YTHDC2: variants seen among roughly 807,000 people sequenced by gnomAD.
The protein encoded by YTHDC2 is 3'-5' RNA helicase YTHDC2.
Under a neutral mutation model 174.9 loss-of-function variants are expected in YTHDC2, and 45 were observed. The observed-to-expected ratio is 0.26, with a 90% confidence interval of 0.20 to 0.33. The LOEUF (loss-of-function observed/expected upper bound fraction) is 0.33. Ranked by LOEUF, YTHDC2 falls within the 10% of genes least tolerant of loss-of-function variation. The pLI, the probability that YTHDC2 is intolerant of heterozygous loss-of-function variation, is 1.00. For missense variants in YTHDC2, 1,650 were observed against 1,723.7 expected (o/e 0.96, Z 0.76); for synonymous variants, 657 against 574.5 (o/e 1.14, Z -2.05).
rs1776425803 is a variant in YTHDC2, at chr5:113,553,798, C to G, written c.1996C>G (p.Gln666Glu). The G allele has an allele frequency of 6.2e-7, 1 of 1,612,544 alleles. No individual in the cohort carries two copies. Among genetic ancestry groups the G allele is most frequent in the Non-Finnish European group, 8.5e-7 (1 of 1,179,372 alleles). ...YQVFMLHSNM[Q>E]TSDQKKVLKN... ...AGTCTTTATGCTTCATTCAAATATG[C>G]AAACATCCGATCAAAAGAAAGTATT... is the stretch of plus-strand genomic sequence containing the variant. Residue 666 changes from glutamine (Q) to glutamate (E), a missense_variant, in exon 15 of 30, where the codon CAA becomes GAA. Gln to Glu is a conservative substitution (Grantham distance 29). Coordinates refer to ENST00000161863, the MANE Select transcript of YTHDC2 (RefSeq NM_022828.5).
intron 2 of YTHDC2, among the ~76,000 whole-genome samples, chr5:113,521,683 A>G (rs920397135): frequency 3.3e-5 from 5 of 151,482 alleles, no homozygotes; most frequent in African/African-American, 9.7e-5. Context: ...GTGAGCCGAG[A>G]TCGTGCCACT....
At chr5:113,556,837 CTG>C (rs1188269316) in intron 17 of YTHDC2, among the ~76,000 whole-genome samples, 10 of 152,166 alleles carry the variant, frequency 6.6e-5, no homozygotes, top group African/African-American at 1.9e-4. Flanking sequence ...ATGTTTAAGA[CTG>C]TTCTTTGAAG....
chr5:113,530,755 A>G (rs1306204399), intron 4 of YTHDC2, among the ~76,000 whole-genome samples: 2 of 151,840 alleles, frequency 1.3e-5, no homozygotes, highest in African/African-American at 2.4e-5. Flanking sequence ...TTTTACCTCC[A>G]TTTATTCCTT....
chr5:113,518,124 G>C (rs371450178), intron 2 of YTHDC2, among the ~76,000 whole-genome samples: 2 of 150,924 alleles, frequency 1.3e-5, no homozygotes, highest in South Asian at 2.1e-4. Flanking sequence ...TCCTGACCTC[G>C]TGATCTGCCC....
intron 19 of YTHDC2, 76 bp from the exon 20 acceptor site, chr5:113,563,783 T>G: frequency 2.7e-6 from 4 of 1,495,084 alleles, no homozygotes; most frequent in Non-Finnish European, 2.7e-6. Context: ...TTATTTCTCA[T>G]TTAGGGGTTT....
At chr5:113,588,873 C>T (rs1323718508) in intron 26 of YTHDC2, among the ~76,000 whole-genome samples, 2 of 152,026 alleles carry the variant, frequency 1.3e-5, no homozygotes, top group Admixed American at 6.6e-5. Context: ...GATCTGCTCA[C>T]CTCTGCCTCC....
chr5:113,557,331 T>C (rs1776678868), intron 17 of YTHDC2, among the ~76,000 whole-genome samples: 1 of 152,236 alleles, frequency 6.6e-6, no homozygotes, highest in South Asian at 2.1e-4. Flanking sequence ...CATGAAATGC[T>C]GACTTTCAAA....
chr5:113,572,724 C>A (rs1360996426), intron 23 of YTHDC2, among the ~76,000 whole-genome samples: 3 of 151,958 alleles, frequency 2.0e-5, no homozygotes, highest in Non-Finnish European at 4.4e-5. Flanking sequence ...TGTGTAATGC[C>A]TTTCTTTGAT....
intron 16 of YTHDC2, among the ~76,000 whole-genome samples, chr5:113,554,705 T>G (rs993342986): frequency 7.3e-5 from 11 of 151,722 alleles, no homozygotes; most frequent in Admixed American, 6.6e-4. Context: ...ATATTTACTA[T>G]TTGAAAGTCC....
intron 23 of YTHDC2, among the ~76,000 whole-genome samples, chr5:113,577,710 A>G (rs1189537327): frequency 6.6e-6 from 1 of 152,184 alleles, no homozygotes; most frequent in Non-Finnish European, 1.5e-5. Context: ...CAGGAAATTT[A>G]GTATCTTTTA....
chr5:113,585,347 TA>T lies in YTHDC2; in HGVS notation c.3825+869del, dbSNP rs1778623757. On this transcript the variant is annotated intron_variant, in intron 26 of 29. Transcript: ENST00000161863. ...CTGTTTTAGTAGCTAAGTATTTGAT[TA>T]GGGGTTATTTAGCTGCATATTGTAT... Among the ~76,000 whole-genome samples the T allele has an allele frequency of 3.3e-5, 5 of 152,280 alleles. No homozygotes were observed. In the South Asian group the frequency reaches 1.0e-3, roughly 32 times the overall value.
intron 10 of YTHDC2, among the ~76,000 whole-genome samples, chr5:113,547,074 CTT>C (rs939940113): frequency 1.3e-5 from 2 of 152,158 alleles, no homozygotes; most frequent in African/African-American, 4.8e-5. Context: ...GAATGAGTCA[CTT>C]AGTCCAGTTT....
chr5:113,568,562 C>T (rs2112740555), intron 23 of YTHDC2, among the ~76,000 whole-genome samples: 1 of 152,222 alleles, frequency 6.6e-6, no homozygotes, highest in East Asian at 1.9e-4. Context: ...GTGTGTTGTT[C>T]CCCTGTCTGT....
In YTHDC2 at chr5:113,540,955, ATAAT is replaced by A. The variant is rs1775413328; in HGVS notation, c.1211-7_1211-4del. 1 of 1,603,956 alleles carries A rather than the reference ATAAT, an allele frequency of 6.2e-7. No homozygotes were observed. Among genetic ancestry groups the A allele is most frequent in the Non-Finnish European group, 8.5e-7 (1 of 1,175,374 alleles). On this transcript the variant is annotated splice_polypyrimidine_tract_variant and intron_variant, in intron 8 of 29. Coordinates refer to ENST00000161863, the MANE Select transcript of YTHDC2 (RefSeq NM_022828.5). ...GATTTGTCTACATATTCTTTCTTTG[ATAAT>A]TAATTTAGAAGAGAAACAACAAACC...
In YTHDC2 at chr5:113,567,106, C is replaced by A; in HGVS notation, c.2857C>A (p.Arg953=). The A allele has an allele frequency of 1.2e-6, 2 of 1,612,950 alleles. No homozygotes were observed. Among genetic ancestry groups the A allele is most frequent in the Non-Finnish European group, 1.7e-6 (2 of 1,179,536 alleles). ...TTCCCCTCTAGGTTTTGTTAGAGCA[C>A]GAGGTGGTGGTGACATTCGGGACGT... is the stretch of plus-strand genomic sequence containing the variant. ...QLRASGFVRA[R]GGGDIRDVNT... The change falls in exon 22 of 30, where the codon CGA becomes AGA. Residue 953 remains arginine (R), a synonymous_variant. Transcript: ENST00000161863.
Position 113,591,089 on chromosome 5 carries a change from A to G in YTHDC2, c.3874A>G (p.Ile1292Val). Reference sequence around the variant, plus strand: ...ACCAAACATGCCTGTTCGATACTTCATAATGAAGAGTAGCAATTTGAGAAA... The same window carrying G: ...ACCAAACATGCCTGTTCGATACTTCGTAATGAAGAGTAGCAATTTGAGAAA... Reference protein sequence around the residue: ...PRPNMPVRYFIMKSSNLRNLE... With the variant: ...PRPNMPVRYFVMKSSNLRNLE... Residue 1292 changes from isoleucine to valine, a missense_variant, in exon 27 of 30, where the codon ATA becomes GTA. Transcript: ENST00000161863. The G allele has an allele frequency of 6.2e-7, 1 of 1,614,014 alleles. No homozygotes were observed. Among genetic ancestry groups the G allele is most frequent in the Non-Finnish European group, 8.5e-7 (1 of 1,179,912 alleles).
chr5:113,531,867 T>C (rs1442761950), intron 4 of YTHDC2, among the ~76,000 whole-genome samples: 1 of 152,238 alleles, frequency 6.6e-6, no homozygotes, highest in Non-Finnish European at 1.5e-5. Context: ...GCAGCTCTTC[T>C]GCTTTGTTGG....
Position 113,569,748 on chromosome 5 carries a change from C to T in YTHDC2, c.3244+1899C>T, listed in dbSNP as rs867590102. The stretch of plus-strand genomic sequence containing the variant: ...ACCATGCTGTCTTGGCTACTGTAGC[C>T]CTGTAGTATAGCTTGAAGTCGGGTA... On this transcript the variant is annotated intron_variant, in intron 23 of 29. Coordinates refer to ENST00000161863, the MANE Select transcript of YTHDC2 (RefSeq NM_022828.5). Among the ~76,000 whole-genome samples, 3 of 152,082 alleles carry T rather than the reference C, an allele frequency of 2.0e-5. No homozygotes were observed. The South Asian group carries it at 6.2e-4, about 31-fold the overall frequency.
chr5:113,593,297 A>T lies in YTHDC2; in HGVS notation c.4213-6A>T, dbSNP rs376642068. On this transcript the variant is annotated splice_polypyrimidine_tract_variant and splice_region_variant and intron_variant, in intron 28 of 29. Coordinates refer to ENST00000161863, the MANE Select transcript of YTHDC2 (RefSeq NM_022828.5). The stretch of plus-strand genomic sequence containing the variant: ...TTATGTTTATTTTGACTTCTGATTT[A>T]TCTAGGAACTAGAACCTCTGGTTGG... The T allele has an allele frequency of 6.2e-6, 10 of 1,610,070 alleles. No homozygotes were observed. Among genetic ancestry groups the T allele is most frequent in the Middle Eastern group, 1.7e-4 (1 of 6,054 alleles).
Sources: gnomAD v4.1 joint callset for allele counts (sites outside exome capture counted in the v4.1 genomes callset) on GRCh38, gnomAD v4.1.1 for gene constraint, MANE v1.5 for transcripts, NCBI Gene and HGNC (gene_info 2026-07-23, HGNC 2026-07-21) for gene names.